Variants in OR1F1 observed in about 807,000 individuals in gnomAD.
OR1F1 encodes the protein olfactory receptor 1F1.
For synonymous variants in OR1F1, 184 were observed against 156.7 expected (o/e 1.17, Z -1.30); for missense variants, 493 against 376.3 (o/e 1.31, Z -2.57).
At chr16:3,188,594 C>G in the OR1F1 span, 2 of 152,124 alleles carry the variant, frequency 1.3e-5, no homozygotes, top group Non-Finnish European at 2.9e-5. Context: ...ACCGGGCATC[C>G]GCGGGCAGCA....
At chr16:3,200,597 C>G (rs1280431418), upstream of OR1F1, among the ~76,000 whole-genome samples, 1 of 151,918 alleles carries the variant, frequency 6.6e-6, no homozygotes, top group Non-Finnish European at 1.5e-5. Context: ...GACGTCATCT[C>G]AAAACAAACA....
the OR1F1 span, among the ~76,000 whole-genome samples, chr16:3,194,538 GGA>G: frequency 2.0e-5 from 3 of 152,178 alleles, no homozygotes; most frequent in Admixed American, 6.5e-5. Flanking sequence ...ATCCCCCACG[GGA>G]GAGATGTATG....
At chr16:3,191,185 G>A in the OR1F1 span, 2 of 152,192 alleles carry the variant, frequency 1.3e-5, no homozygotes, top group Non-Finnish European at 2.9e-5. Flanking sequence ...AGAGGTTGTC[G>A]TTGACTCTTT....
the OR1F1 span, chr16:3,188,511 A>T: frequency 6.6e-6 from 1 of 152,230 alleles, no homozygotes; most frequent in African/African-American, 2.4e-5. Context: ...ATTCCAGTTT[A>T]TTCGGAGAAG....
At chr16:3,193,287 G>A in the OR1F1 span, among the ~76,000 whole-genome samples, 2 of 152,190 alleles carry the variant, frequency 1.3e-5, no homozygotes, top group Non-Finnish European at 2.9e-5. Context: ...TAAACACAGT[G>A]GGGCTGTCAA....
the OR1F1 span, among the ~76,000 whole-genome samples, chr16:3,195,576 G>T: frequency 4.6e-5 from 7 of 151,716 alleles, no homozygotes; most frequent in African/African-American, 1.7e-4. Flanking sequence ...CAGCTACTCG[G>T]GAGGCTGAGG....
chr16:3,189,749 A>G, the OR1F1 span: 1 of 151,732 alleles, frequency 6.6e-6, no homozygotes, highest in African/African-American at 2.4e-5. Context: ...TCTTTTTTAG[A>G]TTCGGCTCGA....
At chr16:3,199,654 T>C (rs1958113707), upstream of OR1F1, among the ~76,000 whole-genome samples, 1 of 152,172 alleles carries the variant, frequency 6.6e-6, no homozygotes, top group South Asian at 2.1e-4. Context: ...TAAAAGAATT[T>C]AAACAAGAGA....
chr16:3,193,304 C>T, the OR1F1 span, among the ~76,000 whole-genome samples: 2 of 152,194 alleles, frequency 1.3e-5, no homozygotes, highest in Non-Finnish European at 2.9e-5. Context: ...TCAAGGGCCT[C>T]GCGTCAAGGC....
chr16:3,190,749 T>TAAAAAAAA, the OR1F1 span, among the ~76,000 whole-genome samples: 4 of 92,240 alleles, frequency 4.3e-5, no homozygotes, highest in African/African-American at 1.8e-4. Flanking sequence ...AGACTCTATC[T>TAAAAAAAA]AAAAAAAAAA....
the OR1F1 span, among the ~76,000 whole-genome samples, chr16:3,194,030 C>A: frequency 6.6e-6 from 1 of 152,042 alleles, no homozygotes; most frequent in African/African-American, 2.4e-5. Flanking sequence ...TAAGGTATCA[C>A]GCCTTTTAAA....
At chr16:3,192,028 G>A in the OR1F1 span, among the ~76,000 whole-genome samples, 4 of 152,226 alleles carry the variant, frequency 2.6e-5, no homozygotes, top group South Asian at 2.1e-4. Flanking sequence ...CTTAGGATGC[G>A]AGAGGTCCCG....
chr16:3,205,234 C>T, downstream of OR1F1: 1 of 1,401,670 alleles, frequency 7.1e-7, no homozygotes, highest in Non-Finnish European at 9.9e-7. Context: ...TATTTTTCAC[C>T]AATTGAGTTT....
the OR1F1 span, among the ~76,000 whole-genome samples, chr16:3,195,854 C>G: frequency 2.6e-5 from 4 of 152,220 alleles, no homozygotes; most frequent in South Asian, 8.3e-4. Context: ...CAATGTGGCC[C>G]CCAGTACATC....
At chr16:3,199,115 CAAAAAAAAAAAAAAAAAAA>C in the OR1F1 span, among the ~76,000 whole-genome samples, 143 of 52,572 alleles carry the variant, frequency 2.7e-3, 1 homozygote, top group Middle Eastern at 0.013. Flanking sequence ...CCTGTCTCTA[CAAAAAAAAAAAAAAAAAAA>C]AAAAAAAAAA....
At chr16:3,192,684 T>G in the OR1F1 span, among the ~76,000 whole-genome samples, 19 of 152,154 alleles carry the variant, frequency 1.2e-4, no homozygotes, top group African/African-American at 4.6e-4. Flanking sequence ...GGCTCCTTGC[T>G]TCCTCTCGCG....
At chr16:3,193,520 G>C in the OR1F1 span, among the ~76,000 whole-genome samples, 1 of 152,228 alleles carries the variant, frequency 6.6e-6, no homozygotes, top group Non-Finnish European at 1.5e-5. Flanking sequence ...AGAGCTCTAC[G>C]GGGAATGGGA....
the OR1F1 span, among the ~76,000 whole-genome samples, chr16:3,191,979 C>G: frequency 1.3e-5 from 2 of 152,184 alleles, no homozygotes; most frequent in African/African-American, 2.4e-5. Context: ...AGTAAAGGGC[C>G]TGCTGCTGTG....
the OR1F1 span, among the ~76,000 whole-genome samples, chr16:3,191,518 G>A: frequency 6.6e-6 from 1 of 152,148 alleles, no homozygotes; most frequent in Admixed American, 6.5e-5. Context: ...TAGCTCAGTC[G>A]GTAGAGCATG....
Sources: allele counts gnomAD v4.1 joint callset (sites outside exome capture counted in the v4.1 genomes callset), GRCh38; gene constraint gnomAD v4.1.1; transcripts MANE v1.5; gene names NCBI Gene and HGNC (gene_info 2026-07-23, HGNC 2026-07-21).